The following ERMP1 variants were observed in gnomAD, a reference collection of about 807,000 sequenced individuals.
ERMP1 encodes the protein endoplasmic reticulum metallopeptidase 1.
Under a neutral mutation model 92.0 loss-of-function variants are expected in ERMP1, and 86 were observed. The observed-to-expected ratio is 0.93, with a 90% CI of 0.79 to 1.12. The LOEUF is 1.12. Ranked by LOEUF, ERMP1 falls within the 50% of genes most tolerant of loss-of-function variation. The pLI is 0.00. For missense variants in ERMP1, 1,342 were observed against 1,116.3 expected (o/e 1.20, Z -2.88); for synonymous variants, 530 against 412.8 (o/e 1.28, Z -3.44).
Position 5,811,133 on chromosome 9 carries a change from T to G in ERMP1, c.1305A>C (p.Lys435Asn). The G allele has an allele frequency of 6.2e-7, 1 of 1,613,702 alleles. No homozygotes were observed. Among genetic ancestry groups the G allele is most frequent in the Non-Finnish European group, 8.5e-7 (1 of 1,179,794 alleles). ...VMGVVLYLGK[K>N]FLQPKHKTGN... ...TACTCTTATGTTTGGGCTGCAAAAA[T>G]TTTTTGCCCAGGTACAAAACAACAC... The change falls in exon 7 of 15, where the codon AAA (lysine) becomes AAC (asparagine). Residue 435 changes from lysine to asparagine, a missense_variant. Transcript: ENST00000339450.
chr9:5,840,652 G>A lies in ERMP1; in HGVS notation n.3200-7340C>T, dbSNP rs572224176. Among the ~76,000 whole-genome samples the A allele has an allele frequency of 2.0e-5, 3 of 152,346 alleles. No individual in the cohort carries two copies. The South Asian group carries it at 6.2e-4, about 32-fold the overall frequency. ...TGGGTGCTGCGCTGAAAGCACTCCA[G>A]TATGTTCTTCTGTAACCTGCGGTGT... On this transcript the variant is annotated intron_variant and non_coding_transcript_variant, in intron 6 of 6. Transcript: ENST00000690753.
At chr9:5,865,724 G>C (rs1376025514) in intron 5 of ERMP1, among the ~76,000 whole-genome samples, 1 of 149,580 alleles carries the variant, frequency 6.7e-6, no homozygotes, top group African/African-American at 2.5e-5. Context: ...TGTAATCCCA[G>C]CTACTCGGGA....
chr9:5,814,854 T>C (rs1002014804), intron 4 of ERMP1, among the ~76,000 whole-genome samples: 3 of 152,220 alleles, frequency 2.0e-5, no homozygotes, highest in African/African-American at 4.8e-5. Flanking sequence ...ATGATTAATA[T>C]GTTTTAAAAA....
intron 6 of ERMP1, among the ~76,000 whole-genome samples, chr9:5,847,157 C>T (rs754728809): frequency 2.1e-4 from 32 of 152,084 alleles, no homozygotes; most frequent in Admixed American, 3.9e-4. Context: ...AAAATATGGG[C>T]TTTGTTTTTT....
At chr9:5,789,477 G>C (rs188040833) in intron 13 of ERMP1, among the ~76,000 whole-genome samples, 108 of 152,336 alleles carry the variant, frequency 7.1e-4, no homozygotes, top group African/African-American at 2.5e-3. Flanking sequence ...CAGCACTCAT[G>C]AGCCCTTCTT....
chr9:5,795,181 G>A (rs1354903621), intron 13 of ERMP1, among the ~76,000 whole-genome samples: 1 of 152,106 alleles, frequency 6.6e-6, no homozygotes, highest in Non-Finnish European at 1.5e-5. Context: ...AAAAGCAACT[G>A]ACAAAATCCA....
intron 6 of ERMP1, among the ~76,000 whole-genome samples, chr9:5,853,866 C>T (rs117173889): frequency 0.015 from 2,300 of 151,222 alleles, 73 homozygotes; most frequent in East Asian, 0.13. Context: ...CAGAGACACC[C>T]TGAGTAGCAC....
chr9:5,805,487 G>A (rs1828835609), intron 9 of ERMP1, 124 bp downstream of exon 9: 13 of 821,302 alleles, frequency 1.6e-5, no homozygotes, highest in Non-Finnish European at 2.4e-5. Context: ...TGTGTGGTAT[G>A]AAAACTTTTA....
chr9:5,788,482 T>G (rs145822540), intron 13 of ERMP1, among the ~76,000 whole-genome samples: 15 of 152,258 alleles, frequency 9.9e-5, no homozygotes, highest in Admixed American at 7.2e-4. Context: ...AAAAGAAAAT[T>G]CAGGGTCCTG....
rs190221587 is a variant in ERMP1 at position 5,831,168 on chromosome 9, T to G, written c.339-140A>C. The G allele has an allele frequency of 2.8e-4, 175 of 629,412 alleles. 3 individuals are homozygous for G. In the East Asian group the frequency reaches 4.8e-3, roughly 17 times the overall value. The allele number at this position is 629,412 out of a possible 1,614,324, so 39.0% of individuals were successfully genotyped here. ...ATAAAAGGGACCGCCTTTCATTATT[T>G]CAGACACCAAGTGAACATCACTTAT... On this transcript the variant is annotated intron_variant, in intron 1 of 14. Transcript: ENST00000339450.
Position 5,832,693 on chromosome 9 carries a change from G to C in ERMP1, c.335C>G (p.Ala112Gly), listed in dbSNP as rs1412024999. ...GHRGEFDALQ[A>G]RDYLEHITSI... ...GCCAGGAGGGAGCGGCCGGTACCTG[G>C]CTTGGAGCGCGTCGAACTCCCCGCG... The change falls in exon 1 of 15, where the codon GCC (alanine) becomes GGC (glycine). Residue 112 changes from alanine (A) to glycine (G), a missense_variant. By Grantham distance (60) the Ala-to-Gly change is moderately conservative. Coordinates refer to ENST00000339450, the MANE Select transcript of ERMP1 (RefSeq NM_024896.3). The C allele has an allele frequency of 6.8e-7, 1 of 1,466,922 alleles. No individual in the cohort carries two copies. Among genetic ancestry groups the C allele is most frequent in the South Asian group, 1.3e-5 (1 of 75,316 alleles). The allele number at this position is 1,466,922 out of a possible 1,614,324, so 90.9% of individuals were successfully genotyped here.
chr9:5,828,072 G>T (rs1480002216), intron 2 of ERMP1, among the ~76,000 whole-genome samples: 3 of 152,214 alleles, frequency 2.0e-5, no homozygotes. Flanking sequence ...GGGAGGATGA[G>T]GTAGAATAAT....
At chr9:5,801,023 G>C (rs1381884029) in intron 11 of ERMP1, among the ~76,000 whole-genome samples, 153 bp downstream of exon 11, 2 of 152,220 alleles carry the variant, frequency 1.3e-5, no homozygotes, top group African/African-American at 2.4e-5. Flanking sequence ...TTGACAGTCA[G>C]TCTTCTCCTC....
intron 13 of ERMP1, among the ~76,000 whole-genome samples, chr9:5,794,183 A>G (rs1828316876): frequency 6.6e-6 from 1 of 152,124 alleles, no homozygotes; most frequent in Non-Finnish European, 1.5e-5. Context: ...ACACACTTCT[A>G]CATAACAAAT....
chr9:5,835,256 C>A (rs1003149540), upstream of ERMP1, among the ~76,000 whole-genome samples: 1 of 152,026 alleles, frequency 6.6e-6, no homozygotes, highest in East Asian at 1.9e-4. Flanking sequence ...TGGATATCTA[C>A]TTGTGTCAGA....
At chr9:5,850,508 G>A (rs1830296851) in intron 6 of ERMP1, among the ~76,000 whole-genome samples, 1 of 151,626 alleles carries the variant, frequency 6.6e-6, no homozygotes, top group African/African-American at 2.4e-5. Flanking sequence ...GCATGTGGCT[G>A]AGGAAACTGA....
At position 5,784,779 on chromosome 9, in the gene ERMP1, G is replaced by A. The variant is rs145885385; in HGVS notation, c.*2365C>T. ...AACTGTAAAAACAAACACTTCATGCGACAATCATTCTTAGGTCAAACACAA... is the reference window on the plus strand; with the variant it reads ...AACTGTAAAAACAAACACTTCATGCAACAATCATTCTTAGGTCAAACACAA... On this transcript the variant is annotated 3_prime_UTR_variant, in exon 15 of 15. Transcript: ENST00000339450. 3.3e-5 allele frequency: 5 copies of A among 151,682 alleles called. No homozygotes were observed. The highest frequency in any genetic ancestry group is 1.9e-4 in the East Asian group (1 of 5,198). 9.4% of individuals were successfully genotyped at this position (151,682 alleles called of 1,614,324 possible). A position where few individuals can be genotyped will look rare whatever the true frequency, so the allele number is the denominator to read the frequency against.
intron 6 of ERMP1, among the ~76,000 whole-genome samples, chr9:5,853,941 C>T (rs772997867): frequency 6.6e-6 from 1 of 151,472 alleles, no homozygotes; most frequent in South Asian, 2.1e-4. Flanking sequence ...GACAGATGAA[C>T]AGAGGAAAAG....
At chr9:5,821,976 G>A (rs1051799436) in intron 4 of ERMP1, among the ~76,000 whole-genome samples, 13 of 152,196 alleles carry the variant, frequency 8.5e-5, no homozygotes, top group Admixed American at 5.9e-4. Flanking sequence ...GAAAGAGGCC[G>A]GGCGTGGTGG....
Sources: gnomAD v4.1 joint callset for allele counts (sites outside exome capture counted in the v4.1 genomes callset) on GRCh38, gnomAD v4.1.1 for gene constraint, MANE v1.5 for transcripts, NCBI Gene and HGNC (gene_info 2026-07-23, HGNC 2026-07-21) for gene names.